PLXND1: variants seen among roughly 807,000 people sequenced by gnomAD.
The protein encoded by PLXND1 is plexin-D1.
In PLXND1, 54 loss-of-function variants were observed where a neutral mutation model predicts 197.7. The observed-to-expected ratio is 0.27, with a 90% CI of 0.22 to 0.34. The LOEUF (loss-of-function observed/expected upper bound fraction) is 0.34. PLXND1 is among the 10% of genes least tolerant of loss of function. The pLI is 1.00. For synonymous variants in PLXND1, 1,180 were observed against 1,161.2 expected (o/e 1.02, Z -0.33); for missense variants, 2,127 against 2,699.2 (o/e 0.79, Z 4.70).
At chr3:129,564,466 C>A (rs928390292) in intron 25 of PLXND1, among the ~76,000 whole-genome samples, 2 of 152,250 alleles carry the variant, frequency 1.3e-5, no homozygotes, top group Non-Finnish European at 2.9e-5. Context: ...TGCAACAAAG[C>A]AAGACCCCCA....
At chr3:129,595,916 C>CGCAT (rs2085613418) in intron 1 of PLXND1, among the ~76,000 whole-genome samples, 1 of 107,080 alleles carries the variant, frequency 9.3e-6, no homozygotes, top group Non-Finnish European at 1.9e-5. Flanking sequence ...TGGGGGTGCA[C>CGCAT]GCACGCACAC....
chr3:129,565,463 C>T lies in PLXND1; in HGVS notation c.4398G>A (p.Leu1466=). ...LEYYTSIMKE[L]LVDLIDASAA... is the part of the protein sequence containing the mutation. ...CCGAGGCGTCAATGAGGTCCACCAG[C>T]AGCTCCTTCATGATGCTGGTGTAGT... Residue 1466 remains leucine (L), a synonymous_variant, in exon 25 of 36, where the codon CTG becomes CTA. Coordinates refer to ENST00000324093, the MANE Select transcript of PLXND1 (RefSeq NM_015103.3). 1 of 1,614,006 alleles carries T rather than the reference C, an allele frequency of 6.2e-7. No individual in the cohort carries two copies. The highest frequency in any genetic ancestry group is 1.3e-5 in the African/African-American group (1 of 75,060).
chr3:129,603,663 C>G (rs543871352), intron 1 of PLXND1, among the ~76,000 whole-genome samples: 1 of 152,312 alleles, frequency 6.6e-6, no homozygotes, highest in Admixed American at 6.5e-5. Context: ...GGTGGCCGGC[C>G]AGATGGTGGG....
In PLXND1 at chr3:129,566,469, AG is replaced by A. The variant is rs551114657; in HGVS notation, c.4191+57del. 1.2e-4 allele frequency: 123 copies of A among 1,021,624 alleles called. No individual in the cohort carries two copies. The East Asian group carries it at 2.6e-3, about 22-fold the overall frequency. The allele number at this position is 1,021,624 out of a possible 1,614,324, so 63.3% of individuals were successfully genotyped here. ...ATTAGATGAACTGGAAAGGGGACCC[AG>A]GGGGGAGCAGGGTTGCCCTGAAGCA... On this transcript the variant is annotated intron_variant, in intron 23 of 35. Transcript: ENST00000324093.
Position 129,565,428 on chromosome 3 carries a change from T to C in PLXND1, c.4433A>G (p.Asn1478Ser). 1.2e-6 allele frequency: 2 copies of C among 1,614,056 alleles called. No individual in the cohort carries two copies. The highest frequency in any genetic ancestry group is 8.5e-7 in the Non-Finnish European group (1 of 1,180,018). ...VDLIDASAAK[N>S]PKLMLRRTES... ...TGTGCGCCGCAGCATGAGCTTGGGG[T>C]TCTTGGCGGCCGAGGCGTCAATGAG... Residue 1478 changes from asparagine (N) to serine (S), a missense_variant, in exon 25 of 36, where the codon AAC becomes AGC. Coordinates refer to ENST00000324093, the MANE Select transcript of PLXND1 (RefSeq NM_015103.3).
intron 5 of PLXND1, among the ~76,000 whole-genome samples, chr3:129,585,104 C>T (rs918798784): frequency 3.3e-5 from 5 of 152,326 alleles, no homozygotes; most frequent in East Asian, 1.9e-4. Flanking sequence ...ACTGATGTGT[C>T]CCCAGAGTCC....
At position 129,577,351 on chromosome 3, in the gene PLXND1, G is replaced by A. The variant is rs2085327246; in HGVS notation, c.2346+978C>T. ...GAAGAATCGGCAGGACTCAAGTCAG[G>A]CTCACACCTCCCCATCCCAGGCGCC... is the stretch of plus-strand genomic sequence containing the variant. On this transcript the variant is annotated intron_variant, in intron 9 of 35. Transcript: ENST00000324093. This position sits in a 1 kb window ranked among gnomAD's most constrained non-coding sequence, Gnocchi z 5.0. 6.6e-6 allele frequency among the ~76,000 whole-genome samples: 1 copy of A among 152,160 alleles called. No homozygotes were observed. Among genetic ancestry groups the A allele is most frequent in the African/African-American group, 2.4e-5 (1 of 41,444 alleles).
intron 1 of PLXND1, among the ~76,000 whole-genome samples, chr3:129,595,107 T>TGG (rs201957834): frequency 0.04 from 6,076 of 152,212 alleles, 385 homozygotes; most frequent in African/African-American, 0.14. Context: ...GTGGAGCCCA[T>TGG]GTGGCACGGG....
chr3:129,586,308 T>G (rs2085460428), intron 3 of PLXND1, 36 bp from the exon 4 acceptor site: 1 of 1,459,922 alleles, frequency 6.8e-7, no homozygotes, highest in Non-Finnish European at 9.3e-7. Flanking sequence ...TCAATGGGAC[T>G]GCCAGCCTCT....
intron 1 of PLXND1, among the ~76,000 whole-genome samples, chr3:129,593,126 C>T (rs2085570857): frequency 6.6e-6 from 1 of 152,194 alleles, no homozygotes; most frequent in Admixed American, 6.5e-5. Flanking sequence ...ATCTTTCTCT[C>T]ACACAAAGCT....
intron 30 of PLXND1, 74 bp downstream of exon 30, chr3:129,560,615 G>T: frequency 8.2e-7 from 1 of 1,212,494 alleles, no homozygotes; most frequent in Non-Finnish European, 1.2e-6. Flanking sequence ...TTCCCAAGAG[G>T]CCCAGGGCCA....
chr3:129,584,179 G>T lies in PLXND1; in HGVS notation c.2084C>A (p.Ala695Asp). The change falls in exon 7 of 36, where the codon GCC becomes GAC. Residue 695 changes from alanine to aspartate, a missense_variant. Ala to Asp is a moderately radical substitution (Grantham distance 126). Transcript: ENST00000324093. Reference protein sequence around the residue: ...VRVNGRNIVKANFTIYDCSRT... With the variant: ...VRVNGRNIVKDNFTIYDCSRT... ...GCTGCAGTCGTAGATGGTGAAATTGGCCTTGACGATGTTCCGCCCATTGAC... is the reference window on the plus strand; with the variant it reads ...GCTGCAGTCGTAGATGGTGAAATTGTCCTTGACGATGTTCCGCCCATTGAC... 6.3e-7 allele frequency: 1 copy of T among 1,581,868 alleles called. No individual in the cohort carries two copies. The highest frequency in any genetic ancestry group is 8.6e-7 in the Non-Finnish European group (1 of 1,162,434).
At position 129,605,504 on chromosome 3, in the gene PLXND1, G is replaced by A; in HGVS notation, c.1136C>T (p.Pro379Leu). The A allele has an allele frequency of 6.7e-7, 1 of 1,495,520 alleles. No homozygotes were observed. Among genetic ancestry groups the A allele is most frequent in the South Asian group, 1.3e-5 (1 of 78,642 alleles). 92.6% of individuals were successfully genotyped at this position (1,495,520 alleles called of 1,614,324 possible). ...TGCGGCCGGAGCAGCGCGGGCCGCGGGGGACCCCTGGGGCCGCTCGAAGAC... is the reference window on the plus strand; with the variant it reads ...TGCGGCCGGAGCAGCGCGGGCCGCGAGGGACCCCTGGGGCCGCTCGAAGAC... ...FAVFERPQGSPAARAAPAALC... is the reference protein window; with the variant it reads ...FAVFERPQGSLAARAAPAALC... The change falls in exon 1 of 36, where the codon CCC becomes CTC. Residue 379 changes from proline (P) to leucine (L), a missense_variant. Around this residue, in one of 6 missense-constraint regions of PLXND1, gnomAD observed 1,095 missense variants for 1,259.8 expected, o/e 0.87. Transcript: ENST00000324093.
chr3:129,556,094 G>T lies in PLXND1; in HGVS notation c.*218C>A. On this transcript the variant is annotated 3_prime_UTR_variant, in exon 36 of 36. Transcript: ENST00000324093. ...GACCAGCTCTCTGGCCTCCATCCCA[G>T]AGACTGATCTGGGGACAGGTGGGAG... 1.9e-6 allele frequency: 1 copy of T among 540,212 alleles called. No homozygotes were observed. Among genetic ancestry groups the T allele is most frequent in the Non-Finnish European group, 3.3e-6 (1 of 299,322 alleles). The allele number at this position is 540,212 out of a possible 1,614,324, so 33.5% of individuals were successfully genotyped here. A position where few individuals can be genotyped will look rare whatever the true frequency, so the allele number is the denominator to read the frequency against.
intron 8 of PLXND1, among the ~76,000 whole-genome samples, chr3:129,578,948 G>A (rs2085351351): frequency 6.6e-6 from 1 of 152,178 alleles, no homozygotes. Context: ...ATACCAGGAG[G>A]ACATTTCAGA....
Position 129,578,376 on chromosome 3 carries a change from C to T in PLXND1, c.2299G>A (p.Gly767Ser). 1 of 1,607,416 alleles carries T rather than the reference C, an allele frequency of 6.2e-7. No homozygotes were observed. Among genetic ancestry groups the T allele is most frequent in the Non-Finnish European group, 8.5e-7 (1 of 1,177,652 alleles). ...LSPLAPVPTG[G>S]SQNILVPLAN... ...AGAGGCACCAGGATGTTCTGGGAGCCACCCGTAGGCACGGGTGCCAGGGGT... is the reference window on the plus strand; with the variant it reads ...AGAGGCACCAGGATGTTCTGGGAGCTACCCGTAGGCACGGGTGCCAGGGGT... The change falls in exon 9 of 36, where the codon GGC becomes AGC. Residue 767 changes from glycine to serine, a missense_variant. Physicochemically the swap from Gly to Ser is moderately conservative, Grantham distance 56. Coordinates refer to ENST00000324093, the MANE Select transcript of PLXND1 (RefSeq NM_015103.3).
At chr3:129,588,171 T>C (rs1249047435) in intron 2 of PLXND1, among the ~76,000 whole-genome samples, 1 of 152,226 alleles carries the variant, frequency 6.6e-6, no homozygotes, top group Non-Finnish European at 1.5e-5. Flanking sequence ...GGGTGTGGGC[T>C]ATGGGCCAGC....
chr3:129,556,450 G>A (rs781776305), intron 35 of PLXND1, 22 bp from the exon 36 acceptor site: 2 of 1,582,410 alleles, frequency 1.3e-6, no homozygotes, highest in Admixed American at 3.3e-5. Context: ...AGCGGAGTCA[G>A]CCGGGCCATG....
chr3:129,558,373 G>A lies in PLXND1; in HGVS notation c.5445+55C>T, dbSNP rs1021960643. On this transcript the variant is annotated intron_variant, in intron 33 of 35. Transcript: ENST00000324093. The surrounding 1 kb of genome is among the most constrained non-coding windows in gnomAD (Gnocchi z 4.1). ...AGAGTCGAGGAGGCTACCCATGGTCGGCACCCCACTCTGGCCCTGTGCATG... is the reference window on the plus strand; with the variant it reads ...AGAGTCGAGGAGGCTACCCATGGTCAGCACCCCACTCTGGCCCTGTGCATG... The A allele has an allele frequency of 1.5e-5, 23 of 1,548,794 alleles. No homozygotes were observed. Among genetic ancestry groups the A allele is most frequent in the South Asian group, 2.3e-5 (2 of 88,086 alleles).
Sources: allele counts gnomAD v4.1 joint callset (sites outside exome capture counted in the v4.1 genomes callset), GRCh38; gene constraint gnomAD v4.1.1; regional missense constraint gnomAD v4.1.1; non-coding constraint Gnocchi (gnomAD v3.1); transcripts MANE v1.5; gene names NCBI Gene and HGNC (gene_info 2026-07-23, HGNC 2026-07-21).